The following MAP3K3 variants were observed in gnomAD, a reference collection of about 807,000 sequenced individuals.
MAP3K3 encodes the protein MAP/ERK kinase kinase 3.
Under a neutral mutation model 80.9 loss-of-function variants are expected in MAP3K3, and 12 were observed. That is an observed-to-expected ratio of 0.15 (90% confidence interval 0.10 to 0.24). MAP3K3 has a LOEUF of 0.24. Ranked by LOEUF, MAP3K3 falls within the 10% of genes least tolerant of loss-of-function variation. The pLI is 1.00. For missense variants in MAP3K3, 596 were observed against 834.7 expected (o/e 0.71, Z 3.52); for synonymous variants, 272 against 307.1 (o/e 0.89, Z 1.19).
At chr17:63,688,729 G>C (rs2035516272) in intron 9 of MAP3K3, 60 bp from the exon 10 acceptor site, 2 of 1,426,614 alleles carry the variant, frequency 1.4e-6, no homozygotes, top group Admixed American at 3.3e-5. Flanking sequence ...TGGGGACTTG[G>C]GGGCTTAAGT....
chr17:63,666,006 C>G (rs1440849765), intron 5 of MAP3K3, among the ~76,000 whole-genome samples: 1 of 152,206 alleles, frequency 6.6e-6, no homozygotes, highest in Non-Finnish European at 1.5e-5. Context: ...CACCCCGACT[C>G]TCACCAGTGC....
At chr17:63,624,534 G>A (rs1300082320) in intron 1 of MAP3K3, among the ~76,000 whole-genome samples, 1 of 152,164 alleles carries the variant, frequency 6.6e-6, no homozygotes, top group Non-Finnish European at 1.5e-5. Flanking sequence ...TGAGTATATG[G>A]AGACCAATGA....
At chr17:63,690,504 T>C in intron 12 of MAP3K3, 92 bp downstream of exon 12, 1 of 1,379,380 alleles carries the variant, frequency 7.2e-7, no homozygotes, top group Non-Finnish European at 1.0e-6. Context: ...ATGCTGTAGG[T>C]TGCTTCCTCT....
At chr17:63,658,720 T>C (rs2034822096) in intron 5 of MAP3K3, among the ~76,000 whole-genome samples, 1 of 149,558 alleles carries the variant, frequency 6.7e-6, no homozygotes, top group South Asian at 2.1e-4. Flanking sequence ...CTGCTCATGC[T>C]GACCATTTCT....
At chr17:63,635,839 C>T (rs1279864192) in intron 2 of MAP3K3, among the ~76,000 whole-genome samples, 2 of 152,176 alleles carry the variant, frequency 1.3e-5, no homozygotes, top group Admixed American at 1.3e-4. Flanking sequence ...AAGATCAAAA[C>T]CTAATTTAAA....
chr17:63,632,846 G>A lies in MAP3K3; in HGVS notation c.126+44G>A, dbSNP rs190806894. 11 of 1,610,140 alleles carry A rather than the reference G, an allele frequency of 6.8e-6. No homozygotes were observed. In the African/African-American group the frequency reaches 1.5e-4, roughly 22 times the overall value. ...GAGCTAAGTGAGATTTGTTGGGGAG[G>A]GGTTTTCAAATGGGAAATATACGAA... On this transcript the variant is annotated intron_variant, in intron 2 of 15. Transcript: ENST00000361733.
chr17:63,681,273 G>T (rs1037744394), intron 6 of MAP3K3, among the ~76,000 whole-genome samples: 2 of 151,990 alleles, frequency 1.3e-5, no homozygotes, highest in African/African-American at 4.8e-5. Context: ...CTGGCTGGGG[G>T]AACAGGGCAA....
At chr17:63,628,828 G>A (rs1310437807) in intron 1 of MAP3K3, among the ~76,000 whole-genome samples, 1 of 152,094 alleles carries the variant, frequency 6.6e-6, no homozygotes, top group African/African-American at 2.4e-5. Context: ...ATAAAATTAA[G>A]TATTAGGGTA....
intron 1 of MAP3K3, among the ~76,000 whole-genome samples, chr17:63,627,568 G>A (rs1030926728): frequency 4.0e-5 from 6 of 150,200 alleles, no homozygotes; most frequent in East Asian, 2.0e-4. Context: ...TCAGCCTCCC[G>A]AGTAGCTGGG....
intron 1 of MAP3K3, among the ~76,000 whole-genome samples, chr17:63,624,412 C>T (rs909534328): frequency 6.6e-6 from 1 of 152,170 alleles, no homozygotes; most frequent in African/African-American, 2.4e-5. Flanking sequence ...TTGTTGACTG[C>T]TACACCAGTT....
At chr17:63,675,834 T>C (rs1259189431) in intron 6 of MAP3K3, among the ~76,000 whole-genome samples, 1 of 152,236 alleles carries the variant, frequency 6.6e-6, no homozygotes, top group Non-Finnish European at 1.5e-5. Context: ...TTCTGAGACC[T>C]ACGGAATGAG....
At position 63,634,736 on chromosome 17, in the gene MAP3K3, C is replaced by T. The variant is rs540501790; in HGVS notation, c.126+1934C>T. ...AAAACACAACAGCAGCAGCTCAGCC[C>T]TTCTGAACAGCCCCACAGTAACAAC... On this transcript the variant is annotated intron_variant, in intron 2 of 15. Transcript: ENST00000361733. The T allele has an allele frequency of 1.5e-4, 243 of 1,613,964 alleles. 2 individuals are homozygous for T. The South Asian group carries it at 2.6e-3, about 17-fold the overall frequency.
At chr17:63,682,650 G>A (rs977861612) in intron 7 of MAP3K3, 5 of 152,210 alleles carry the variant, frequency 3.3e-5, no homozygotes, top group Admixed American at 1.3e-4. Context: ...TGTCACCCAA[G>A]GGCTTCTCTG....
At chr17:63,675,918 G>A (rs1291726634) in intron 6 of MAP3K3, among the ~76,000 whole-genome samples, 1 of 152,214 alleles carries the variant, frequency 6.6e-6, no homozygotes, top group African/African-American at 2.4e-5. Context: ...TAGTTTTATG[G>A]TCCAGTATCC....
intron 1 of MAP3K3, among the ~76,000 whole-genome samples, chr17:63,630,147 CCT>C (rs1322678345): frequency 2.0e-5 from 3 of 152,096 alleles, no homozygotes; most frequent in Non-Finnish European, 4.4e-5. Flanking sequence ...TAGTCATAAT[CCT>C]CCTTGTATTG....
intron 7 of MAP3K3, among the ~76,000 whole-genome samples, chr17:63,682,124 G>C (rs2035350803): frequency 6.6e-6 from 1 of 152,174 alleles, no homozygotes; most frequent in Non-Finnish European, 1.5e-5. Flanking sequence ...TAGTTTCCTT[G>C]TTGTTGGGTG....
At chr17:63,643,383 T>TGTA (rs1468198351) in intron 2 of MAP3K3, among the ~76,000 whole-genome samples, 1 of 152,006 alleles carries the variant, frequency 6.6e-6, no homozygotes, top group Non-Finnish European at 1.5e-5. Context: ...TGTGCCTGTT[T>TGTA]GTAGTCCCAG....
intron 1 of MAP3K3, among the ~76,000 whole-genome samples, chr17:63,625,542 C>T (rs1202115136): frequency 2.0e-5 from 3 of 152,146 alleles, no homozygotes; most frequent in Non-Finnish European, 4.4e-5. Flanking sequence ...TGATCTGGTT[C>T]TGGTTTGAAG....
chr17:63,685,326 C>T (rs2035425390), intron 7 of MAP3K3, among the ~76,000 whole-genome samples, 191 bp from the exon 8 acceptor site: 1 of 152,202 alleles, frequency 6.6e-6, no homozygotes. Context: ...TTTCTCCCTC[C>T]TGGAAACTTG....
Sources: allele counts gnomAD v4.1 joint callset (sites outside exome capture counted in the v4.1 genomes callset), GRCh38; gene constraint gnomAD v4.1.1; transcripts MANE v1.5; gene names NCBI Gene and HGNC (gene_info 2026-07-23, HGNC 2026-07-21).